The following SSH3 variants were observed in gnomAD, a reference collection of about 807,000 sequenced individuals.
The protein encoded by SSH3 is protein phosphatase Slingshot homolog 3.
A neutral mutation model predicts 75.0 loss-of-function variants in SSH3; 67 were observed. The observed-to-expected ratio is 0.89, with a 90% CI of 0.73 to 1.10. SSH3 has a LOEUF of 1.10. Among genes scored for constraint, SSH3 ranks in the 50% least tolerant of loss-of-function variants. The pLI, the probability that SSH3 is intolerant of heterozygous loss-of-function variation, is 0.00. For synonymous variants in SSH3, 318 were observed against 349.2 expected, an observed-to-expected ratio of 0.91 and a Z score of 1.00; for missense variants, 824 against 872.7, an observed-to-expected ratio of 0.94 and a Z score of 0.70.
At chr11:67,303,768 C>T (rs1345926520) in intron 1 of SSH3, 77 bp downstream of exon 1, 2 of 1,379,292 alleles carry the variant, frequency 1.5e-6, no homozygotes, top group Non-Finnish European at 9.4e-7. Context: ...CGCCAGCGGG[C>T]TCCTCTCGAA....
At position 67,311,815 on chromosome 11, in the gene SSH3, C is replaced by T. The variant is rs61731781; in HGVS notation, c.1908C>T (p.Ser636=). ...QGQGQGEPCI[S]STPRFRKVVR... is the part of the protein sequence containing the mutation. Reference sequence around the variant, plus strand: ...AGGGGCAGGGAGAGCCCTGCATTTCCTCTACGCCCAGGTTCCGGAAGGTGG... The same window carrying T: ...AGGGGCAGGGAGAGCCCTGCATTTCTTCTACGCCCAGGTTCCGGAAGGTGG... The change falls in exon 14 of 14, where the codon TCC becomes TCT. Residue 636 remains serine (S), a synonymous_variant. Coordinates refer to ENST00000308127, the MANE Select transcript of SSH3 (RefSeq NM_017857.4). 9.8e-3 allele frequency: 15,784 copies of T among 1,613,444 alleles called. 94 individuals carry two copies. The highest frequency in any genetic ancestry group is 0.012 in the Non-Finnish European group (13,613 of 1,179,956).
chr11:67,304,080 C>A (rs749396833), intron 1 of SSH3, 38 bp from the exon 2 acceptor site: 8 of 1,551,538 alleles, frequency 5.2e-6, no homozygotes, highest in Non-Finnish European at 6.9e-6. Context: ...GACAGCCCTC[C>A]CCGCCCTCAC....
In SSH3 at chr11:67,311,932, C is replaced by T. The variant is rs771083707; in HGVS notation, c.*45C>T. 2.5e-6 allele frequency: 4 copies of T among 1,594,714 alleles called. No homozygotes were observed. The highest frequency in any genetic ancestry group is 1.7e-6 in the Non-Finnish European group (2 of 1,174,852). ...CTCCCCTGACACTGAAGAGGATCCA[C>T]AACTCCTTGGAGAAACACCCTCACG... On this transcript the variant is annotated 3_prime_UTR_variant, in exon 14 of 14. Coordinates refer to ENST00000308127, the MANE Select transcript of SSH3 (RefSeq NM_017857.4).
In SSH3 at chr11:67,310,335, C is replaced by G. The variant is rs200217917; in HGVS notation, c.1679C>G (p.Pro560Arg). ...AGCACCTCAGAGACCAGTGACATGC[C>G]AGAGGTGAGGCTGGGGCTGGGGGAG... ...LESTSETSDM[P>R]EVFSSHESSH... Residue 560 changes from proline (P) to arginine (R), a missense_variant, in exon 13 of 14, where the codon CCA becomes CGA. Coordinates refer to ENST00000308127, the MANE Select transcript of SSH3 (RefSeq NM_017857.4). 2.4e-5 allele frequency: 38 copies of G among 1,605,160 alleles called. No individual in the cohort carries two copies. The highest frequency in any genetic ancestry group is 2.9e-5 in the Non-Finnish European group (34 of 1,174,198).
At position 67,307,111 on chromosome 11, in the gene SSH3, C is replaced by T. The variant is rs776220852; in HGVS notation, c.534C>T (p.Asp178=). ...WSDTQVYLDG[D]GGFSVTSGGQ... The stretch of plus-strand genomic sequence containing the variant: ...ACACCCAGGTGTACTTAGATGGAGA[C>T]GGGTAAGCAATGGCAACTGGAGGTG... Residue 178 remains aspartate, a splice_region_variant and synonymous_variant, in exon 5 of 14, where the codon GAC becomes GAT. Transcript: ENST00000308127. The surrounding 1 kb of genome is among the most constrained non-coding windows in gnomAD (Gnocchi z 4.2). 26 of 1,613,386 alleles carry T rather than the reference C, an allele frequency of 1.6e-5. No individual in the cohort carries two copies. The highest frequency in any genetic ancestry group is 9.9e-5 in the South Asian group (9 of 91,076).
intron 13 of SSH3, 59 bp downstream of exon 13, chr11:67,310,398 G>A (rs1861378482): frequency 1.3e-6 from 2 of 1,546,530 alleles, no homozygotes; most frequent in Non-Finnish European, 1.7e-6. Flanking sequence ...GGAGGGAGAT[G>A]GGGAAAGACC....
chr11:67,304,843 G>A lies in SSH3; in HGVS notation c.175G>A (p.Glu59Lys). ...TGGAGGGGACAATGATGATGCAGCA[G>A]AGGCCAGTTCTGAGCCAACAGAGAA... ...QDGGDNDDAA[E>K]ASSEPTEKAP... The change falls in exon 3 of 14, where the codon GAG becomes AAG. Residue 59 changes from glutamate to lysine, a missense_variant. Transcript: ENST00000308127. 6.2e-7 allele frequency: 1 copy of A among 1,613,780 alleles called. No individual in the cohort carries two copies. Among genetic ancestry groups the A allele is most frequent in the East Asian group, 2.2e-5 (1 of 44,870 alleles).
In SSH3 at chr11:67,312,157, C is replaced by A. The variant is rs539381095; in HGVS notation, c.*270C>A. ...GGATGTGGTAGAGGGACTGAAGGTACCTTTGGGGGCAACAGCACCCTAGTT... is the reference window on the plus strand; with the variant it reads ...GGATGTGGTAGAGGGACTGAAGGTAACTTTGGGGGCAACAGCACCCTAGTT... On this transcript the variant is annotated 3_prime_UTR_variant, in exon 14 of 14. Transcript: ENST00000308127. The A allele has an allele frequency of 7.3e-5, 39 of 534,816 alleles. No homozygotes were observed. The highest frequency in any genetic ancestry group is 9.5e-5 in the Non-Finnish European group (29 of 304,156). The allele number at this position is 534,816 out of a possible 1,614,324, so 33.1% of individuals were successfully genotyped here.
intron 13 of SSH3, among the ~76,000 whole-genome samples, 196 bp from the exon 14 acceptor site, chr11:67,311,395 G>T (rs1179035280): frequency 6.6e-6 from 1 of 152,178 alleles, no homozygotes; most frequent in Non-Finnish European, 1.5e-5. Context: ...AGCAGGGCTG[G>T]GGTGTTGTCC....
chr11:67,304,024 CT>C, intron 1 of SSH3, 93 bp from the exon 2 acceptor site: 1 of 1,464,540 alleles, frequency 6.8e-7, no homozygotes, highest in Non-Finnish European at 9.2e-7. Flanking sequence ...CATCTGGCGC[CT>C]TTTCTGGCCT....
intron 3 of SSH3, among the ~76,000 whole-genome samples, chr11:67,306,061 G>A (rs11608094): frequency 0.72 from 106,322 of 148,462 alleles, 43,731 homozygotes; most frequent in South Asian, 0.93. Flanking sequence ...AGGCCGAGGC[G>A]GGCAGATCAC....
intron 1 of SSH3, 84 bp downstream of exon 1, chr11:67,303,775 C>A (rs555794534): frequency 2.9e-6 from 4 of 1,357,596 alleles, no homozygotes; most frequent in South Asian, 3.2e-5. Flanking sequence ...GGGCTCCTCT[C>A]GAACGGGGAC....
chr11:67,311,961 G>A lies in SSH3; in HGVS notation c.*74G>A. 4 of 1,575,092 alleles carry A rather than the reference G, an allele frequency of 2.5e-6. No homozygotes were observed. The highest frequency in any genetic ancestry group is 1.1e-5 in the South Asian group (1 of 87,884). On this transcript the variant is annotated 3_prime_UTR_variant, in exon 14 of 14. Transcript: ENST00000308127. Reference sequence around the variant, plus strand: ...TCCTTGGAGAAACACCCTCACGTCTGTTGCCGCACACATTCCTCTCAGCTC... The same window carrying A: ...TCCTTGGAGAAACACCCTCACGTCTATTGCCGCACACATTCCTCTCAGCTC...
chr11:67,311,349 G>A (rs1178645902), intron 13 of SSH3, among the ~76,000 whole-genome samples: 1 of 152,142 alleles, frequency 6.6e-6, no homozygotes, highest in African/African-American at 2.4e-5. Flanking sequence ...GGGGCCAGAA[G>A]GAAGCTACAA....
In SSH3 at chr11:67,309,886, G is replaced by T. The variant is rs752983869; in HGVS notation, c.1327G>T (p.Val443Leu). Residue 443 changes from valine to leucine, a missense_variant, in exon 12 of 14, where the codon GTG (valine) becomes TTG (leucine). Val to Leu is a conservative substitution (Grantham distance 32, BLOSUM62 1). Transcript: ENST00000308127. ...CAGCCTGGAGCAGGCCCTGCGCCAC[G>T]TGCAGGAGCTCCGGCCCATCGCCCG... Reference protein sequence around the residue: ...ECSLEQALRHVQELRPIARPN... With the variant: ...ECSLEQALRHLQELRPIARPN... 6.2e-7 allele frequency: 1 copy of T among 1,612,272 alleles called. No individual in the cohort carries two copies. Among genetic ancestry groups the T allele is most frequent in the South Asian group, 1.1e-5 (1 of 91,084 alleles).
Position 67,308,012 on chromosome 11 carries a change from C to T in SSH3, c.885+73C>T, listed in dbSNP as rs1861297923. On this transcript the variant is annotated intron_variant, in intron 8 of 13. Coordinates refer to ENST00000308127, the MANE Select transcript of SSH3 (RefSeq NM_017857.4). This position sits in a 1 kb window ranked among gnomAD's most constrained non-coding sequence, Gnocchi z 4.9. ...GCTTGCCTTTCCTGGGAGCCCTCCC[C>T]ACCTTGCCTGTCTCCAGTCCTGAGC... is the stretch of plus-strand genomic sequence containing the variant. The T allele has an allele frequency of 6.2e-7, 1 of 1,602,768 alleles. No individual in the cohort carries two copies.
In SSH3 at chr11:67,309,422, C is replaced by T. The variant is rs74859815; in HGVS notation, c.1087C>T (p.Arg363Trp). Residue 363 changes from arginine (R) to tryptophan (W), a missense_variant, in exon 11 of 14, where the codon CGG (arginine) becomes TGG (tryptophan). Transcript: ENST00000308127. ...NRVTHILNMAREIDNFYPERF... is the reference protein window; with the variant it reads ...NRVTHILNMAWEIDNFYPERF... Reference sequence around the variant, plus strand: ...GGTCACCCACATCTTGAACATGGCCCGGGAGATTGACAACTTCTACCCTGA... The same window carrying T: ...GGTCACCCACATCTTGAACATGGCCTGGGAGATTGACAACTTCTACCCTGA... The T allele has an allele frequency of 8.4e-5, 136 of 1,614,180 alleles. No homozygotes were observed. The East Asian group carries it at 1.2e-3, about 14-fold the overall frequency.
rs549951784 is a variant in SSH3 at position 67,304,306 on chromosome 11, C to T, written c.104+151C>T. 28 of 669,238 alleles carry T rather than the reference C, an allele frequency of 4.2e-5. No individual in the cohort carries two copies. In the African/African-American group the frequency reaches 4.8e-4, roughly 11 times the overall value. The allele number at this position is 669,238 out of a possible 1,614,324, so 41.5% of individuals were successfully genotyped here. ...TGTGGGGCAGCGTTCCCGGTGGGGC[C>T]GGCTGGTGGGCTCGCGGTAGGGCGG... On this transcript the variant is annotated intron_variant, in intron 2 of 13. Coordinates refer to ENST00000308127, the MANE Select transcript of SSH3 (RefSeq NM_017857.4).
Position 67,303,561 on chromosome 11 carries a change from C to A in SSH3, c.-65C>A. On this transcript the variant is annotated 5_prime_UTR_variant, in exon 1 of 14. It adds an upstream start codon to the 5' untranslated region. Transcript: ENST00000308127. Reference sequence around the variant, plus strand: ...CCTTCCTGGTCCTGCGGGTCCAGGACTGTCCGCGGGGTTGAGGGAAGGGGC... The same window carrying A: ...CCTTCCTGGTCCTGCGGGTCCAGGAATGTCCGCGGGGTTGAGGGAAGGGGC... The A allele has an allele frequency of 6.8e-7, 1 of 1,479,606 alleles. No homozygotes were observed. Among genetic ancestry groups the A allele is most frequent in the Non-Finnish European group, 9.0e-7 (1 of 1,106,864 alleles). 91.7% of individuals were successfully genotyped at this position (1,479,606 alleles called of 1,614,324 possible).
Sources: gnomAD v4.1 joint callset for allele counts (sites outside exome capture counted in the v4.1 genomes callset) on GRCh38, gnomAD v4.1.1 for gene constraint, Gnocchi (gnomAD v3.1) non-coding constraint, MANE v1.5 for transcripts, NCBI Gene and HGNC (gene_info 2026-07-23, HGNC 2026-07-21) for gene names.